Variants in LRRC74B observed in about 807,000 individuals in gnomAD.
The protein encoded by LRRC74B is leucine-rich repeat-containing protein 74B.
Under a neutral mutation model 16.6 loss-of-function variants are expected in LRRC74B, and 30 were observed. The observed-to-expected ratio is 1.80, with a 90% CI of 1.35 to 2.45. LRRC74B has a LOEUF of 2.45. Ranked by LOEUF, LRRC74B falls within the 30% of genes most tolerant of loss-of-function variation. LRRC74B has a pLI of 0.00. For synonymous variants in LRRC74B, 134 were observed against 86.0 expected (o/e 1.56, Z -3.09); for missense variants, 326 against 202.4 (o/e 1.61, Z -3.71).
intron 8 of LRRC74B, among the ~76,000 whole-genome samples, chr22:21,060,127 G>A (rs908004122): frequency 1.3e-5 from 2 of 152,094 alleles, no homozygotes; most frequent in African/African-American, 4.8e-5. Context: ...CTATGATTGA[G>A]CCACTGCACT....
chr22:21,047,140 C>A (rs552506217), intron 1 of LRRC74B, among the ~76,000 whole-genome samples: 1 of 152,050 alleles, frequency 6.6e-6, no homozygotes, highest in East Asian at 1.9e-4. Context: ...CCAGGTTGTC[C>A]AGCTTTCTTT....
chr22:21,049,559 C>T lies in LRRC74B; in HGVS notation c.622+402C>T, dbSNP rs569716377. On this transcript the variant is annotated intron_variant, in intron 4 of 8. Transcript: ENST00000442047. ...GGCTGGGGAGGCCTCTGTGAGGTGA[C>T]ATTTAAGCTGAAATGTGCAGGGTGG... is the stretch of plus-strand genomic sequence containing the variant. The T allele has an allele frequency of 3.8e-3, 684 of 178,176 alleles. 6 individuals are homozygous for T. Among genetic ancestry groups the T allele is most frequent in the African/African-American group, 0.015 (621 of 42,078 alleles). The allele number at this position is 178,176 out of a possible 1,614,324, so 11.0% of individuals were successfully genotyped here. A position where few individuals can be genotyped will look rare whatever the true frequency, so the allele number is the denominator to read the frequency against.
intron 4 of LRRC74B, among the ~76,000 whole-genome samples, chr22:21,050,777 C>CAAAAAAAAA (rs71188205): frequency 1.4e-4 from 15 of 104,162 alleles, no homozygotes; most frequent in African/African-American, 6.8e-4. Flanking sequence ...GACTCTGTCT[C>CAAAAAAAAA]AAAAAAAAAA....
intron 7 of LRRC74B, 102 bp from the exon 8 acceptor site, chr22:21,057,003 G>A (rs1162398129): frequency 2.1e-5 from 14 of 658,306 alleles, no homozygotes; most frequent in Non-Finnish European, 3.9e-5. Flanking sequence ...TGTGGCCATA[G>A]TGGCTGTGTC....
chr22:21,052,268 C>T (rs1569197960), exon 5 of LRRC74B: 1 of 717,528 alleles, frequency 1.4e-6, no homozygotes, highest in Non-Finnish European at 2.6e-6. Context: ...TTGGACCAGC[C>T]CTGGCAGAAA....
At chr22:21,055,199 A>G (rs1206068530) in intron 7 of LRRC74B, 23 bp downstream of exon 7, 2 of 711,746 alleles carry the variant, frequency 2.8e-6, no homozygotes, top group Non-Finnish European at 5.2e-6. Flanking sequence ...CTGATGACTG[A>G]GACACCAGCA....
chr22:21,053,234 G>C (rs59112939), intron 5 of LRRC74B, 126 bp from the exon 6 acceptor site: 35,968 of 606,594 alleles, frequency 0.059, 3,278 homozygotes, highest in East Asian at 0.3. Context: ...CTTCCTTGGA[G>C]CCTCTCCCCT....
chr22:21,050,631 A>C (rs1929940815), intron 4 of LRRC74B, among the ~76,000 whole-genome samples: 1 of 151,756 alleles, frequency 6.6e-6, no homozygotes, highest in African/African-American at 2.4e-5. Context: ...ACAAAAAATT[A>C]GCCGAGTGTG....
downstream of LRRC74B, chr22:21,064,045 TTC>T (rs1930927597): frequency 6.4e-6 from 1 of 155,382 alleles, no homozygotes; most frequent in Non-Finnish European, 1.4e-5. Context: ...AATATGGGAC[TTC>T]AGTAACATAT....
intron 8 of LRRC74B, among the ~76,000 whole-genome samples, chr22:21,057,685 G>A (rs1050505801): frequency 7.1e-6 from 1 of 140,420 alleles, no homozygotes; most frequent in Non-Finnish European, 1.5e-5. Flanking sequence ...TGGTGTGATC[G>A]TAGCTCACTG....
At chr22:21,056,162 T>C (rs924017093) in intron 7 of LRRC74B, among the ~76,000 whole-genome samples, 1 of 152,246 alleles carries the variant, frequency 6.6e-6, no homozygotes, top group Non-Finnish European at 1.5e-5. Context: ...GCTTTAAAAC[T>C]GTTGGAGTTT....
chr22:21,059,779 C>G (rs1047913637), intron 8 of LRRC74B, among the ~76,000 whole-genome samples: 1 of 152,092 alleles, frequency 6.6e-6, no homozygotes, highest in African/African-American at 2.4e-5. Flanking sequence ...GGGCTAACGT[C>G]TACCCCGCAA....
At chr22:21,046,363 A>G (rs904883755) in intron 1 of LRRC74B, among the ~76,000 whole-genome samples, 1 of 133,592 alleles carries the variant, frequency 7.5e-6, no homozygotes, top group Non-Finnish European at 1.7e-5. Context: ...GGTTTTCCCA[A>G]TCCACAGGAA....
chr22:21,054,584 C>A (rs1930335670), intron 6 of LRRC74B, among the ~76,000 whole-genome samples: 1 of 152,220 alleles, frequency 6.6e-6, no homozygotes, highest in Non-Finnish European at 1.5e-5. Flanking sequence ...CTTTCCTCCC[C>A]ATGGGAGGAG....
intron 8 of LRRC74B, among the ~76,000 whole-genome samples, chr22:21,059,206 G>A (rs1444939071): frequency 6.6e-6 from 1 of 152,224 alleles, no homozygotes; most frequent in Non-Finnish European, 1.5e-5. Context: ...TGGCCAACAT[G>A]GTGAAACCCT....
intron 3 of LRRC74B, 99 bp from the exon 4 acceptor site, chr22:21,048,852 C>A: frequency 3.0e-6 from 2 of 659,088 alleles, no homozygotes; most frequent in Non-Finnish European, 5.7e-6. Flanking sequence ...CCTGTAAGTC[C>A]CCTTCCTCAG....
At chr22:21,056,730 G>A (rs1930552674) in intron 7 of LRRC74B, 2 of 242,536 alleles carry the variant, frequency 8.2e-6, no homozygotes, top group East Asian at 1.1e-4. Flanking sequence ...GCTCCGCTGA[G>A]CCCTGCCCAG....
chr22:21,047,541 C>G, intron 2 of LRRC74B, 43 bp downstream of exon 2: 1 of 711,136 alleles, frequency 1.4e-6, no homozygotes, highest in South Asian at 1.5e-5. Context: ...CGGGGAGAGG[C>G]CTCGGGAGAC....
chr22:21,052,458 G>T (rs1216752268), intron 5 of LRRC74B, 100 bp downstream of exon 5: 1 of 683,264 alleles, frequency 1.5e-6, no homozygotes, highest in African/African-American at 1.8e-5. Flanking sequence ...AATGAACCTT[G>T]GATCTTTTAA....
Sources: gnomAD v4.1 joint callset for allele counts (sites outside exome capture counted in the v4.1 genomes callset) on GRCh38, gnomAD v4.1.1 for gene constraint, MANE v1.5 for transcripts, NCBI Gene and HGNC (gene_info 2026-07-23, HGNC 2026-07-21) for gene names.